The following MYO15B variants were observed in gnomAD, a reference collection of about 807,000 sequenced individuals.
MYO15B encodes myosin XVB pseudogene.
A neutral mutation model predicts 119.3 loss-of-function variants in MYO15B; 207 were observed. That is an observed-to-expected ratio of 1.73 (90% CI 1.55 to 1.95). The LOEUF (loss-of-function observed/expected upper bound fraction) is 1.95. MYO15B is among the 30% of genes most tolerant of loss of function. The pLI, the probability that MYO15B is intolerant of heterozygous loss-of-function variation, is 0.00. For synonymous variants in MYO15B, 966 were observed against 498.9 expected (o/e 1.94, Z -12.48); for missense variants, 2,264 against 1,203.1 (o/e 1.88, Z -13.04).
exon 1 of MYO15B, chr17:75,588,542 G>A: frequency 2.5e-6 from 1 of 398,690 alleles, no homozygotes; most frequent in Non-Finnish European, 4.4e-6. Flanking sequence ...TGTCCGGACA[G>A]CGAAACCCGC....
At chr17:75,593,052 A>G (rs1387271882) in intron 9 of MYO15B, 1 of 520,130 alleles carries the variant, frequency 1.9e-6, no homozygotes, top group Non-Finnish European at 3.4e-6. Flanking sequence ...ACCCCTAAGA[A>G]CATCTGGCAT....
At chr17:75,618,233 TCCTTCGTGCCC>T (rs2058495664) in intron 43 of MYO15B, 48 bp downstream of exon 43, 1 of 702,118 alleles carries the variant, frequency 1.4e-6, no homozygotes, top group Non-Finnish European at 2.6e-6. Context: ...AGAGACAGCA[TCCTTCGTGCCC>T]TTTGTCTAAT....
chr17:75,613,328 C>T lies in MYO15B; in HGVS notation c.5003C>T (p.Ala1668Val), dbSNP rs369107073. The stretch of plus-strand genomic sequence containing the variant: ...GACCAGGCCCCCAGGGGCATGGCAG[C>T]GCTGTGCCAGCACAAGCTGCTGGGG... Residue 1668 changes from alanine to valine, a missense_variant, in exon 28 of 64, where the codon GCG becomes GTG. Transcript: ENST00000645453. 5.0e-4 allele frequency: 337 copies of T among 674,800 alleles called. 1 individual carries two copies. The East Asian group carries it at 7.9e-3, about 16-fold the overall frequency. 41.8% of individuals were successfully genotyped at this position (674,800 alleles called of 1,614,324 possible).
chr17:75,615,127 A>G, intron 33 of MYO15B, 85 bp downstream of exon 33: 1 of 678,854 alleles, frequency 1.5e-6, no homozygotes, highest in East Asian at 2.7e-5. Flanking sequence ...GGCAGTGGCG[A>G]TCGATGCCCT....
chr17:75,596,829 G>A (rs770319312), exon 14 of MYO15B: 1 of 702,816 alleles, frequency 1.4e-6, no homozygotes, highest in East Asian at 2.7e-5. Flanking sequence ...AGGGAGTCCT[G>A]CCTAGACCTC....
chr17:75,626,751 G>T, exon 64 of MYO15B: 1 of 553,568 alleles, frequency 1.8e-6, no homozygotes, highest in Admixed American at 3.3e-5. Flanking sequence ...GTCTGAGGGA[G>T]ATGCCCACCC....
rs1390696165 is a variant in MYO15B at position 75,589,461 on chromosome 17, GCGGGGTCACGAGAGAGGTGACGAGGGC to G, written c.1409_1435del (p.Gly470_Arg478del). 6 of 397,800 alleles carry G rather than the reference GCGGGGTCACGAGAGAGGTGACGAGGGC, an allele frequency of 1.5e-5. No individual in the cohort carries two copies. Among genetic ancestry groups the G allele is most frequent in the South Asian group, 2.5e-4 (2 of 7,980 alleles). 24.6% of individuals were successfully genotyped at this position (397,800 alleles called of 1,614,324 possible). ...GGGGCTGCGGGAAAGCGGACGAGGGGCGGGGTCACGAGAGAGGTGACGAGGGCCGGGACCACCAGAGAGGGTACGAGG... is the reference window on the plus strand; with the variant it reads ...GGGGCTGCGGGAAAGCGGACGAGGGGCGGGACCACCAGAGAGGGTACGAGG... On this transcript the variant is annotated inframe_deletion, in exon 1 of 64. Transcript: ENST00000645453. The surrounding 1 kb of genome is among the most constrained non-coding windows in gnomAD (Gnocchi z 4.2).
rs1568196536 is a variant in MYO15B at position 75,615,684 on chromosome 17, C to G, written c.5839-9C>G. 1 of 672,504 alleles carries G rather than the reference C, an allele frequency of 1.5e-6. No individual in the cohort carries two copies. Among genetic ancestry groups the G allele is most frequent in the Non-Finnish European group, 2.7e-6 (1 of 366,906 alleles). The allele number at this position is 672,504 out of a possible 1,614,324, so 41.7% of individuals were successfully genotyped here. ...TGAGGGTCTGAACTGGCTGCTCCTC[C>G]TGCTTCAGGCCCAGCAGATGACAGC... On this transcript the variant is annotated splice_polypyrimidine_tract_variant and intron_variant, in intron 35 of 63. Coordinates refer to ENST00000645453, the Ensembl canonical transcript of MYO15B.
Position 75,619,817 on chromosome 17 carries a change from C to T in MYO15B, c.7301+18C>T, listed in dbSNP as rs1030295712. 1.4e-5 allele frequency: 10 copies of T among 702,782 alleles called. No individual in the cohort carries two copies. In the East Asian group the frequency reaches 2.7e-4, roughly 19 times the overall value. The allele number at this position is 702,782 out of a possible 1,614,324, so 43.5% of individuals were successfully genotyped here. A position where few individuals can be genotyped will look rare whatever the true frequency, so the allele number is the denominator to read the frequency against. On this transcript the variant is annotated intron_variant, in intron 46 of 63. Coordinates refer to ENST00000645453, the Ensembl canonical transcript of MYO15B. The stretch of plus-strand genomic sequence containing the variant: ...TCATACAGGTGCGCTAGCCCACGAC[C>T]CTGGGCTAGAGGTGGGGGCAGGTGG...
chr17:75,609,698 C>T (rs182543045), intron 21 of MYO15B, among the ~76,000 whole-genome samples: 1 of 117,362 alleles, frequency 8.5e-6, no homozygotes, highest in African/African-American at 5.0e-5. Flanking sequence ...CTTCCTTCCT[C>T]CCTCCCTCCC....
chr17:75,613,895 G>T, intron 29 of MYO15B, 118 bp downstream of exon 29: 1 of 609,280 alleles, frequency 1.6e-6, no homozygotes, highest in South Asian at 1.9e-5. Context: ...GTGGGCAGGG[G>T]CCAGACTGCA....
chr17:75,605,625 G>T lies in MYO15B; in HGVS notation c.4134+4G>T. On this transcript the variant is annotated splice_donor_region_variant and intron_variant, in intron 20 of 63. Transcript: ENST00000645453. Reference sequence around the variant, plus strand: ...CTATCACCTTGGAGCCACCAAGGTGGGTGTGTGTATCCCTGTGTGCAGAGG... The same window carrying T: ...CTATCACCTTGGAGCCACCAAGGTGTGTGTGTGTATCCCTGTGTGCAGAGG... 1.4e-6 allele frequency: 1 copy of T among 702,954 alleles called. No individual in the cohort carries two copies. The highest frequency in any genetic ancestry group is 2.6e-6 in the Non-Finnish European group (1 of 384,996). The allele number at this position is 702,954 out of a possible 1,614,324, so 43.5% of individuals were successfully genotyped here.
chr17:75,618,100 CT>C (rs2058488181), intron 42 of MYO15B, 25 bp from the exon 43 acceptor site: 1 of 702,962 alleles, frequency 1.4e-6, no homozygotes. Flanking sequence ...ACCCACCGAT[CT>C]TTGCCCTTCT....
At position 75,589,383 on chromosome 17, in the gene MYO15B, G is replaced by C. The variant is rs1207240556; in HGVS notation, c.1326G>C (p.Arg442=). 1.3e-5 allele frequency: 5 copies of C among 382,396 alleles called. No individual in the cohort carries two copies. The highest frequency in any genetic ancestry group is 6.3e-5 in the African/African-American group (3 of 47,960). 23.7% of individuals were successfully genotyped at this position (382,396 alleles called of 1,614,324 possible). Residue 442 remains arginine, a synonymous_variant, in exon 1 of 64, where the codon CGG becomes CGC. Coordinates refer to ENST00000645453, the Ensembl canonical transcript of MYO15B. The surrounding 1 kb of genome is among the most constrained non-coding windows in gnomAD (Gnocchi z 4.2). Reference sequence around the variant, plus strand: ...GCCACGAGCGAGGGGACGAGGGTCGGGGCCGCGGGAAAGCGGACGAAGGGC... The same window carrying C: ...GCCACGAGCGAGGGGACGAGGGTCGCGGCCGCGGGAAAGCGGACGAAGGGC...
At chr17:75,598,459 T>A (rs910526591) in intron 14 of MYO15B, among the ~76,000 whole-genome samples, 1 of 142,458 alleles carries the variant, frequency 7.0e-6, no homozygotes, top group Admixed American at 7.4e-5. Context: ...GCGCCTGTAG[T>A]CCCAGCTACT....
rs1171231183 is a variant in MYO15B at position 75,622,099 on chromosome 17, A to AC, written c.8082+24dup. ...GCTGAAGGTAAGCCTGGGCTGTGCGACCCCCAGCGCCTGTGCCTGTCCTCC... is the reference window on the plus strand; with the variant it reads ...GCTGAAGGTAAGCCTGGGCTGTGCGACCCCCCAGCGCCTGTGCCTGTCCTCC... On this transcript the variant is annotated intron_variant, in intron 53 of 63. Transcript: ENST00000645453. The AC allele has an allele frequency of 2.4e-5, 17 of 702,196 alleles. No homozygotes were observed. The South Asian group carries it at 2.5e-4, about 10-fold the overall frequency. The allele number at this position is 702,196 out of a possible 1,614,324, so 43.5% of individuals were successfully genotyped here.
chr17:75,617,002 G>A, intron 40 of MYO15B, 41 bp downstream of exon 40: 1 of 701,298 alleles, frequency 1.4e-6, no homozygotes, highest in Non-Finnish European at 2.6e-6. Flanking sequence ...GTGTGCTGCT[G>A]CACTGGGGAG....
intron 7 of MYO15B, 36 bp from the exon 8 acceptor site, chr17:75,592,392 A>G (rs2056529380): frequency 4.4e-6 from 3 of 679,832 alleles, no homozygotes; most frequent in Non-Finnish European, 8.0e-6. Context: ...CTAAGCCCCT[A>G]GGGCACTGAG....
chr17:75,625,232 C>A (rs148353825), exon 60 of MYO15B: 15 of 699,746 alleles, frequency 2.1e-5, no homozygotes, highest in South Asian at 1.3e-4. Context: ...AGGAATACCC[C>A]CTCAGGGTGA....
Sources: gnomAD v4.1 joint callset for allele counts (sites outside exome capture counted in the v4.1 genomes callset) on GRCh38, gnomAD v4.1.1 for gene constraint, Gnocchi (gnomAD v3.1) non-coding constraint, MANE v1.5 for transcripts, NCBI Gene and HGNC (gene_info 2026-07-23, HGNC 2026-07-21) for gene names.